The following PTCSC3 variants were observed in gnomAD, a reference collection of about 807,000 sequenced individuals.
PTCSC3 encodes the protein papillary thyroid carcinoma susceptibility candidate 3 (non-protein coding).
intron 3 of PTCSC3, among the ~76,000 whole-genome samples, chr14:36,141,656 G>T (rs10147968): frequency 0.1 from 15,599 of 151,744 alleles, 1,000 homozygotes; most frequent in Middle Eastern, 0.18. Context: ...CCTGGCCAGA[G>T]TTATATATTT....
At chr14:36,165,211 A>G (rs1882062280) in intron 1 of PTCSC3, 1 of 152,238 alleles carries the variant, frequency 6.6e-6, no homozygotes, top group South Asian at 2.1e-4. Context: ...AGCAGTAGAT[A>G]GAGCAGTTTA....
intron 3 of PTCSC3, among the ~76,000 whole-genome samples, chr14:36,146,275 C>G (rs1442282330): frequency 1.4e-5 from 2 of 148,114 alleles, no homozygotes; most frequent in East Asian, 1.9e-4. Context: ...TTAAGTCTCC[C>G]ATTATTAATG....
At chr14:36,149,658 A>G (rs1881678774) in intron 3 of PTCSC3, among the ~76,000 whole-genome samples, 1 of 152,200 alleles carries the variant, frequency 6.6e-6, no homozygotes, top group Admixed American at 6.5e-5. Context: ...CTGAATACAC[A>G]TTAATTATTA....
chr14:36,135,667 G>A (rs1881269118), downstream of PTCSC3, among the ~76,000 whole-genome samples: 1 of 152,096 alleles, frequency 6.6e-6, no homozygotes, highest in Non-Finnish European at 1.5e-5. Flanking sequence ...GATAATGAAG[G>A]TGGTGCTGAT....
chr14:36,137,020 T>C lies in PTCSC3; in HGVS notation n.323-664A>G, dbSNP rs370361770. Reference sequence around the variant, plus strand: ...GGAAGGGGAAGACAAGAAAGTTACATGCAGTGTTTCTTTTTTCTTTGTAAG... The same window carrying C: ...GGAAGGGGAAGACAAGAAAGTTACACGCAGTGTTTCTTTTTTCTTTGTAAG... On this transcript the variant is annotated intron_variant and non_coding_transcript_variant, in intron 3 of 3. Coordinates refer to ENST00000556013, the Ensembl canonical transcript of PTCSC3. 1.5e-4 allele frequency among the ~76,000 whole-genome samples: 23 copies of C among 152,146 alleles called. No individual in the cohort carries two copies. In the East Asian group the frequency reaches 1.5e-3, roughly 10 times the overall value.
intron 3 of PTCSC3, among the ~76,000 whole-genome samples, chr14:36,148,851 A>G (rs890493833): frequency 2.6e-5 from 4 of 152,140 alleles, no homozygotes; most frequent in Non-Finnish European, 5.9e-5. Context: ...TTTATTGGCC[A>G]TGGGGTCAGT....
At chr14:36,166,191 T>C (rs1882083290) in intron 1 of PTCSC3, among the ~76,000 whole-genome samples, 2 of 152,188 alleles carry the variant, frequency 1.3e-5, no homozygotes, top group Admixed American at 1.3e-4. Flanking sequence ...TGCTAAGTAA[T>C]ATGTGAAAGT....
chr14:36,154,795 C>T (rs1158536814), intron 2 of PTCSC3, among the ~76,000 whole-genome samples: 1 of 151,994 alleles, frequency 6.6e-6, no homozygotes, highest in Non-Finnish European at 1.5e-5. Context: ...GATTGGGTTC[C>T]CTTTGGGATA....
chr14:36,157,307 T>A (rs138449072), intron 2 of PTCSC3, among the ~76,000 whole-genome samples: 124 of 152,328 alleles, frequency 8.1e-4, no homozygotes, highest in African/African-American at 2.9e-3. Context: ...TAATCCTAAG[T>A]CAGATGGATA....
intron 3 of PTCSC3, among the ~76,000 whole-genome samples, chr14:36,152,911 G>GAAAGAAAGAAAGAAAAAGAAA (rs1881755148): frequency 6.7e-6 from 1 of 148,480 alleles, no homozygotes; most frequent in South Asian, 2.1e-4. Context: ...AAAAAAAAAA[G>GAAAGAAAGAAAGAAAAAGAAA]AAAGAAAGAA....
At chr14:36,156,216 T>G (rs938116587) in intron 2 of PTCSC3, among the ~76,000 whole-genome samples, 7 of 152,192 alleles carry the variant, frequency 4.6e-5, no homozygotes, top group Non-Finnish European at 1.0e-4. Flanking sequence ...CTTTGGTGGT[T>G]GTTTTATGTT....
At chr14:36,163,575 T>C (rs1038416870) in intron 1 of PTCSC3, among the ~76,000 whole-genome samples, 14 of 152,204 alleles carry the variant, frequency 9.2e-5, no homozygotes, top group African/African-American at 2.9e-4. Context: ...CAGGACCACA[T>C]GGGCTGAAAA....
At chr14:36,167,551 A>C (rs1882113499) in intron 1 of PTCSC3, among the ~76,000 whole-genome samples, 1 of 152,082 alleles carries the variant, frequency 6.6e-6, no homozygotes, top group African/African-American at 2.4e-5. Context: ...ATACAACTTC[A>C]CCACCAAATC....
chr14:36,155,027 C>G (rs956914857), intron 2 of PTCSC3, among the ~76,000 whole-genome samples: 1 of 152,044 alleles, frequency 6.6e-6, no homozygotes, highest in Non-Finnish European at 1.5e-5. Flanking sequence ...TCTGCTGGAG[C>G]TTTTTCTCCT....
At chr14:36,172,450 T>G (rs564630452) in intron 1 of PTCSC3, among the ~76,000 whole-genome samples, 2 of 152,250 alleles carry the variant, frequency 1.3e-5, no homozygotes, top group South Asian at 4.2e-4. Context: ...ATCATTTAAT[T>G]TCTAGAGCAT....
At chr14:36,147,003 T>C (rs559593824) in intron 3 of PTCSC3, among the ~76,000 whole-genome samples, 1 of 152,366 alleles carries the variant, frequency 6.6e-6, no homozygotes, top group African/African-American at 2.4e-5. Flanking sequence ...CACTCTCTTC[T>C]GACTTGTAGA....
chr14:36,154,710 G>T (rs1327016065), intron 2 of PTCSC3, among the ~76,000 whole-genome samples: 1 of 152,014 alleles, frequency 6.6e-6, no homozygotes, highest in Non-Finnish European at 1.5e-5. Flanking sequence ...AGGAGTAGAG[G>T]CCTCTCTCTC....
At chr14:36,175,365 GT>G (rs57580536) in intron 1 of PTCSC3, among the ~76,000 whole-genome samples, 2,050 of 152,278 alleles carry the variant, frequency 0.013, 43 homozygotes, top group African/African-American at 0.046. Context: ...TTTTAGAGTA[GT>G]TTTGGGCTAG....
chr14:36,163,667 T>C (rs1882023442), intron 1 of PTCSC3, among the ~76,000 whole-genome samples: 1 of 152,216 alleles, frequency 6.6e-6, no homozygotes, highest in African/African-American at 2.4e-5. Flanking sequence ...TTAACTAACA[T>C]TCTATTGTGA....
Sources: gnomAD v4.1 joint callset for allele counts (sites outside exome capture counted in the v4.1 genomes callset) on GRCh38, gnomAD v4.1.1 for gene constraint, MANE v1.5 for transcripts, NCBI Gene and HGNC (gene_info 2026-07-23, HGNC 2026-07-21) for gene names.